The following SLC9B2 variants were observed in gnomAD, a reference collection of about 807,000 sequenced individuals.
The protein encoded by SLC9B2 is solute carrier family 9 member B2, also known as sodium/hydrogen exchanger 9B2.
SLC9B2 carries 39 observed loss-of-function variants against 52.2 expected under a neutral mutation model. The observed-to-expected ratio is 0.75, with a 90% CI of 0.58 to 0.98. The LOEUF (loss-of-function observed/expected upper bound fraction) is 0.98, where lower values mean the gene tolerates loss of function less well. Among genes scored for constraint, SLC9B2 ranks in the 50% least tolerant of loss-of-function variants. The pLI is 0.00. For synonymous variants in SLC9B2, 214 were observed against 227.0 expected (o/e 0.94, Z 0.51); for missense variants, 626 against 637.5 (o/e 0.98, Z 0.19).
At chr4:103,054,617 G>A (rs191813802) in intron 4 of SLC9B2, among the ~76,000 whole-genome samples, 9 of 152,308 alleles carry the variant, frequency 5.9e-5, no homozygotes, top group South Asian at 2.1e-4. Flanking sequence ...ATGAATAAAC[G>A]TGGGTGGGTT....
intron 7 of SLC9B2, among the ~76,000 whole-genome samples, chr4:103,045,546 C>A (rs993127392): frequency 1.3e-5 from 2 of 151,828 alleles, no homozygotes; most frequent in African/African-American, 4.8e-5. Flanking sequence ...TTGGGCCCCA[C>A]CCCTAAAAAT....
At chr4:103,053,089 T>C (rs1194586934) in intron 4 of SLC9B2, among the ~76,000 whole-genome samples, 3 of 152,134 alleles carry the variant, frequency 2.0e-5, no homozygotes, top group Non-Finnish European at 4.4e-5. Context: ...GCTAATCTCA[T>C]TTCATCCACT....
intron 9 of SLC9B2, 85 bp from the exon 10 acceptor site, chr4:103,031,893 T>A: frequency 3.6e-6 from 5 of 1,371,134 alleles, no homozygotes; most frequent in Non-Finnish European, 5.1e-6. Flanking sequence ...GTTTGAATTA[T>A]TTGGCCTGAG....
Position 103,022,524 on chromosome 4 carries a change from C to T in SLC9B2, c.*3846G>A, listed in dbSNP as rs1741863152. On this transcript the variant is annotated 3_prime_UTR_variant, in exon 12 of 12. Transcript: ENST00000394785. ...TTTCAGTTTTCTTGTTTGTATTTTT[C>T]TGTGTTCTAAATTTTTTGCAATGAA... 6.6e-6 allele frequency among the ~76,000 whole-genome samples: 1 copy of T among 151,998 alleles called. No individual in the cohort carries two copies. The highest frequency in any genetic ancestry group is 2.1e-4 in the South Asian group (1 of 4,828).
At position 103,076,164 on chromosome 4, in the gene SLC9B2, G is replaced by C. The variant is rs951564308; in HGVS notation, c.-43+20C>G. 5.3e-5 allele frequency: 8 copies of C among 152,356 alleles called. No individual in the cohort carries two copies. Among genetic ancestry groups the C allele is most frequent in the African/African-American group, 1.9e-4 (8 of 41,470 alleles). The allele number at this position is 152,356 out of a possible 1,614,324, so 9.4% of individuals were successfully genotyped here. A position where few individuals can be genotyped will look rare whatever the true frequency, so the allele number is the denominator to read the frequency against. On this transcript the variant is annotated intron_variant, in intron 1 of 11. Transcript: ENST00000394785. ...GGCGCTGGGTTTATTTTTACCCTTA[G>C]TGTCTCTGGGGCCTCTCACCTGGCA...
intron 1 of SLC9B2, 28 bp from the exon 2 acceptor site, chr4:103,067,620 C>G: frequency 8.1e-7 from 1 of 1,231,324 alleles, no homozygotes; most frequent in East Asian, 2.3e-5. Context: ...AGATATAGAG[C>G]AGTAATTTGA....
chr4:103,072,653 C>T (rs531355811), intron 1 of SLC9B2, among the ~76,000 whole-genome samples: 48 of 152,218 alleles, frequency 3.2e-4, no homozygotes, highest in Middle Eastern at 3.4e-3. Flanking sequence ...CGTAGGCTCT[C>T]GGTCAAGTAA....
intron 5 of SLC9B2, 100 bp from the exon 6 acceptor site, chr4:103,049,120 C>T (rs1744435050): frequency 1.5e-6 from 2 of 1,355,252 alleles, no homozygotes; most frequent in South Asian, 1.6e-5. Context: ...ACGTCTGGGT[C>T]ATCATGAGTT....
chr4:103,074,987 A>C (rs1431859797), intron 1 of SLC9B2, among the ~76,000 whole-genome samples: 1 of 152,228 alleles, frequency 6.6e-6, no homozygotes, highest in African/African-American at 2.4e-5. Flanking sequence ...CCTTGAGCTG[A>C]GGATTCAGAA....
chr4:103,062,683 C>A (rs113003780), intron 3 of SLC9B2, among the ~76,000 whole-genome samples: 1,875 of 152,226 alleles, frequency 0.012, 37 homozygotes, highest in African/African-American at 0.042. Context: ...TGCAATGGCA[C>A]GATCTCAACC....
chr4:103,055,725 A>G (rs948098994), intron 4 of SLC9B2, among the ~76,000 whole-genome samples: 1 of 151,874 alleles, frequency 6.6e-6, no homozygotes, highest in African/African-American at 2.4e-5. Context: ...GTTTTTTACT[A>G]AAACTGAGTG....
At chr4:103,050,779 T>A (rs1379752305) in intron 4 of SLC9B2, among the ~76,000 whole-genome samples, 2 of 152,260 alleles carry the variant, frequency 1.3e-5, no homozygotes, top group African/African-American at 2.4e-5. Flanking sequence ...AATACTTATA[T>A]GGATTCTATT....
chr4:103,038,358 C>A (rs1743352297), intron 9 of SLC9B2, among the ~76,000 whole-genome samples: 1 of 152,120 alleles, frequency 6.6e-6, no homozygotes. Flanking sequence ...AAACTGTAGA[C>A]AAAGGCCAAA....
Position 103,066,391 on chromosome 4 carries a change from T to G in SLC9B2, c.207A>C (p.Val69=), listed in dbSNP as rs773185183. 3.1e-6 allele frequency: 5 copies of G among 1,614,150 alleles called. No individual in the cohort carries two copies. Among genetic ancestry groups the G allele is most frequent in the Non-Finnish European group, 8.5e-7 (1 of 1,179,976 alleles). Residue 69 remains valine (V), a synonymous_variant, in exon 3 of 12, where the codon GTA becomes GTC. Coordinates refer to ENST00000394785, the MANE Select transcript of SLC9B2 (RefSeq NM_178833.7). The part of the protein sequence containing the change: ...LQETPTEANH[V]QRLRQMLACP... ...AAGCCAGCATTTGTCTCAGTCTTTG[T>G]ACGTGATTTGCTTCAGTTGGTGTTT...
chr4:103,070,737 G>A (rs772531141), intron 1 of SLC9B2, among the ~76,000 whole-genome samples: 5 of 152,082 alleles, frequency 3.3e-5, no homozygotes, highest in East Asian at 1.9e-4. Flanking sequence ...CACCATGCCC[G>A]GCCCTTATTT....
At chr4:103,055,730 T>G (rs1745073717) in intron 4 of SLC9B2, among the ~76,000 whole-genome samples, 1 of 151,730 alleles carries the variant, frequency 6.6e-6, no homozygotes, top group South Asian at 2.1e-4. Flanking sequence ...TTACTAAAAC[T>G]GAGTGATTAA....
At chr4:103,045,083 T>C (rs978941862) in intron 7 of SLC9B2, 87 bp from the exon 8 acceptor site, 3 of 842,636 alleles carry the variant, frequency 3.6e-6, no homozygotes, top group East Asian at 2.5e-5. Context: ...AAGCATCTAA[T>C]TACAAAGAAG....
intron 3 of SLC9B2, among the ~76,000 whole-genome samples, chr4:103,060,715 C>T (rs1472663045): frequency 6.6e-6 from 1 of 151,736 alleles, no homozygotes; most frequent in East Asian, 1.9e-4. Flanking sequence ...TTTGTTGAAG[C>T]CTTAGGTTGA....
At chr4:103,019,025 C>T (rs1741583780), downstream of SLC9B2, among the ~76,000 whole-genome samples, 1 of 152,118 alleles carries the variant, frequency 6.6e-6, no homozygotes. Context: ...AGTGTCATCC[C>T]ATCTTGCCCC....
Sources: gnomAD v4.1 joint callset for allele counts (sites outside exome capture counted in the v4.1 genomes callset) on GRCh38, gnomAD v4.1.1 for gene constraint, MANE v1.5 for transcripts, NCBI Gene and HGNC (gene_info 2026-07-23, HGNC 2026-07-21) for gene names.